The following RNF38 variants were observed in gnomAD, a reference collection of about 807,000 sequenced individuals.
RNF38 encodes the protein E3 ubiquitin-protein ligase RNF38.
A neutral mutation model predicts 67.2 loss-of-function variants in RNF38; 15 were observed. The ratio of observed to expected loss-of-function variants is 0.22; its 90% CI spans 0.15 to 0.34. The LOEUF (loss-of-function observed/expected upper bound fraction) is 0.34. Ranked by LOEUF, RNF38 falls within the 10% of genes least tolerant of loss-of-function variation. The pLI, the probability that RNF38 is intolerant of heterozygous loss-of-function variation, is 1.00. For missense variants in RNF38, 524 were observed against 639.9 expected, an observed-to-expected ratio of 0.82 and a Z score of 1.95; for synonymous variants, 220 against 218.8, an observed-to-expected ratio of 1.01 and a Z score of -0.05.
intron 1 of RNF38, among the ~76,000 whole-genome samples, chr9:36,431,585 G>A (rs962118352): frequency 6.6e-6 from 1 of 152,156 alleles, no homozygotes; most frequent in Non-Finnish European, 1.5e-5. Flanking sequence ...AAGATATGGA[G>A]GAAAGGGGAA....
chr9:36,476,435 T>C (rs1840122059), intron 1 of RNF38, among the ~76,000 whole-genome samples: 1 of 151,660 alleles, frequency 6.6e-6, no homozygotes, highest in South Asian at 2.1e-4. Context: ...TTTATTAAAG[T>C]CTCATAAAAT....
At chr9:36,396,974 TTCTC>T (rs1837556292) in intron 1 of RNF38, among the ~76,000 whole-genome samples, 2 of 150,012 alleles carry the variant, frequency 1.3e-5, no homozygotes, top group East Asian at 2.0e-4. Flanking sequence ...AAAAAAATCA[TTCTC>T]TCACTACACA....
rs1837311537 is a variant in RNF38, at chr9:36,393,691, G to A, written c.13-3075C>T. ...AGGAAAGACGTTCAGATGTAATGAA[G>A]ATTCCAAGTAAGGTGAATTCAAGCT... On this transcript the variant is annotated intron_variant, in intron 1 of 11. Transcript: ENST00000259605. 2.6e-5 allele frequency among the ~76,000 whole-genome samples: 4 copies of A among 152,090 alleles called. No individual in the cohort carries two copies. In the South Asian group the frequency reaches 8.3e-4, roughly 32 times the overall value.
chr9:36,342,511 T>C, intron 10 of RNF38, 87 bp from the exon 11 acceptor site: 1 of 841,990 alleles, frequency 1.2e-6, no homozygotes, highest in South Asian at 1.5e-5. Flanking sequence ...TAATTTATTC[T>C]GTTATCAAAA....
chr9:36,351,283 A>T, intron 8 of RNF38, 84 bp from the exon 9 acceptor site: 1 of 852,542 alleles, frequency 1.2e-6, no homozygotes, highest in Non-Finnish European at 1.8e-6. Flanking sequence ...GGCCAGTGCT[A>T]TAAGGATGAA....
intron 1 of RNF38, among the ~76,000 whole-genome samples, chr9:36,451,645 C>A (rs1393587950): frequency 2.0e-5 from 3 of 151,374 alleles, no homozygotes; most frequent in East Asian, 2.0e-4. Flanking sequence ...GGATTACAGG[C>A]ATGTGCCACC....
chr9:36,361,410 G>A (rs916240031), intron 4 of RNF38, among the ~76,000 whole-genome samples: 10 of 128,230 alleles, frequency 7.8e-5, no homozygotes, highest in South Asian at 2.9e-4. Flanking sequence ...TGATCCGCCC[G>A]CCTCGGCCTC....
At chr9:36,362,353 C>T (rs965973050) in intron 4 of RNF38, among the ~76,000 whole-genome samples, 3 of 151,580 alleles carry the variant, frequency 2.0e-5, no homozygotes, top group African/African-American at 4.8e-5. Context: ...AGCAAAACTC[C>T]GTCTCGGGGG....
intron 7 of RNF38, 21 bp from the exon 8 acceptor site, chr9:36,352,869 A>AG (rs1444569788): frequency 2.4e-5 from 37 of 1,518,530 alleles, no homozygotes; most frequent in Non-Finnish European, 3.4e-5. Context: ...AAAAATGTTA[A>AG]GATTTAGAAT....
intron 2 of RNF38, among the ~76,000 whole-genome samples, chr9:36,408,345 C>CT (rs575132451): frequency 4.0e-5 from 6 of 148,458 alleles, no homozygotes; most frequent in Non-Finnish European, 3.0e-5. Context: ...GCAAAGCTAA[C>CT]TGATCACAGT....
At chr9:36,459,728 A>G (rs543566708) in intron 1 of RNF38, among the ~76,000 whole-genome samples, 75 of 152,018 alleles carry the variant, frequency 4.9e-4, no homozygotes, top group Non-Finnish European at 6.6e-4. Flanking sequence ...ACTAAATACT[A>G]TTTTCACTTC....
intron 4 of RNF38, among the ~76,000 whole-genome samples, chr9:36,360,285 G>A (rs577743198): frequency 2.1e-4 from 32 of 152,172 alleles, no homozygotes; most frequent in African/African-American, 7.0e-4. Flanking sequence ...ATGTCAAAGC[G>A]GTTAGTGTTA....
chr9:36,389,446 T>C (rs911927340), intron 2 of RNF38, among the ~76,000 whole-genome samples: 4 of 152,218 alleles, frequency 2.6e-5, no homozygotes, highest in African/African-American at 9.6e-5. Flanking sequence ...AAAGTTAGAT[T>C]GGAGCCCCTT....
At chr9:36,359,926 T>A (rs1834400703) in intron 4 of RNF38, among the ~76,000 whole-genome samples, 1 of 151,306 alleles carries the variant, frequency 6.6e-6, no homozygotes, top group African/African-American at 2.4e-5. Context: ...TTTTTTTAAA[T>A]TAGAGACAGG....
chr9:36,348,207 T>C (rs1212883888), intron 9 of RNF38, among the ~76,000 whole-genome samples: 2 of 149,546 alleles, frequency 1.3e-5, no homozygotes, highest in African/African-American at 2.5e-5. Flanking sequence ...AAAGTTCGAA[T>C]AGAAAAAGTG....
chr9:36,398,716 A>T (rs1480778736), intron 1 of RNF38, among the ~76,000 whole-genome samples: 2 of 152,230 alleles, frequency 1.3e-5, no homozygotes, highest in Admixed American at 1.3e-4. Flanking sequence ...TTAGCAGGAA[A>T]ACCAAAACAA....
chr9:36,464,276 A>G (rs1478789232), intron 1 of RNF38, among the ~76,000 whole-genome samples: 1 of 149,866 alleles, frequency 6.7e-6, no homozygotes, highest in African/African-American at 2.5e-5. Flanking sequence ...TATAATTTGA[A>G]ATCATATTTA....
chr9:36,434,764 T>G (rs1839023513), intron 1 of RNF38, among the ~76,000 whole-genome samples: 1 of 152,182 alleles, frequency 6.6e-6, no homozygotes, highest in Non-Finnish European at 1.5e-5. Flanking sequence ...CAAACTGATG[T>G]GTGTACAAAT....
At chr9:36,367,807 G>T (rs1835092025) in intron 4 of RNF38, among the ~76,000 whole-genome samples, 1 of 152,168 alleles carries the variant, frequency 6.6e-6, no homozygotes, top group African/African-American at 2.4e-5. Context: ...ATCTAGAATA[G>T]TTTAAATTCG....
Sources: allele counts gnomAD v4.1 joint callset (sites outside exome capture counted in the v4.1 genomes callset), GRCh38; gene constraint gnomAD v4.1.1; transcripts MANE v1.5; gene names NCBI Gene and HGNC (gene_info 2026-07-23, HGNC 2026-07-21).